STON2: variants seen among roughly 807,000 people sequenced by gnomAD.
STON2 encodes stonin-2.
Under a neutral mutation model 65.7 loss-of-function variants are expected in STON2, and 29 were observed. The observed-to-expected ratio is 0.44, with a 90% CI of 0.33 to 0.60. STON2 has a LOEUF of 0.60. STON2 is among the 20% of genes least tolerant of loss of function. STON2 has a pLI of 0.03. For synonymous variants in STON2, 404 were observed against 414.2 expected, an observed-to-expected ratio of 0.98 and a Z score of 0.30; for missense variants, 1,054 against 1,118.1, an observed-to-expected ratio of 0.94 and a Z score of 0.82.
At chr14:81,355,186 A>C (rs1286786868) in intron 4 of STON2, among the ~76,000 whole-genome samples, 1 of 152,180 alleles carries the variant, frequency 6.6e-6, no homozygotes, top group Non-Finnish European at 1.5e-5. Flanking sequence ...ACAGAAATTC[A>C]AGAAGGAGAA....
chr14:81,433,981 C>T (rs1902314134), intron 1 of STON2, among the ~76,000 whole-genome samples: 1 of 152,184 alleles, frequency 6.6e-6, no homozygotes, highest in Admixed American at 6.5e-5. Flanking sequence ...TCACCCCTGC[C>T]TGCACAAGAG....
intron 3 of STON2, among the ~76,000 whole-genome samples, chr14:81,390,638 C>T (rs1391333662): frequency 2.0e-5 from 3 of 152,346 alleles, no homozygotes; most frequent in East Asian, 1.9e-4. Flanking sequence ...TTTACAGATG[C>T]TCCCCTAATT....
At chr14:81,400,034 A>G (rs548986774) in intron 1 of STON2, among the ~76,000 whole-genome samples, 2 of 152,350 alleles carry the variant, frequency 1.3e-5, no homozygotes, top group East Asian at 3.9e-4. Flanking sequence ...GAAGTACAAC[A>G]GAATACAGTA....
intron 5 of STON2, among the ~76,000 whole-genome samples, chr14:81,288,433 T>A (rs1470381211): frequency 6.6e-6 from 1 of 152,228 alleles, no homozygotes; most frequent in Admixed American, 6.5e-5. Flanking sequence ...GCTCCTAAGC[T>A]ACAAACGTGT....
At chr14:81,351,527 C>G (rs1303859169) in intron 4 of STON2, among the ~76,000 whole-genome samples, 6 of 152,096 alleles carry the variant, frequency 3.9e-5, no homozygotes. Flanking sequence ...TGAGAGAAAA[C>G]ATTATTTTAA....
At chr14:81,369,350 T>G (rs548257677) in intron 4 of STON2, among the ~76,000 whole-genome samples, 10 of 152,304 alleles carry the variant, frequency 6.6e-5, no homozygotes, top group African/African-American at 2.2e-4. Flanking sequence ...GGAGGCAGAC[T>G]AATAATGTCT....
intron 2 of STON2, among the ~76,000 whole-genome samples, chr14:81,424,438 C>T (rs1277537227): frequency 6.6e-6 from 1 of 150,584 alleles, no homozygotes; most frequent in African/African-American, 2.4e-5. Context: ...AGCAAGACAC[C>T]ATATCAAAAA....
intron 5 of STON2, among the ~76,000 whole-genome samples, chr14:81,279,119 A>G (rs1323014030): frequency 6.6e-6 from 1 of 152,228 alleles, no homozygotes. Flanking sequence ...TCTCCTATAT[A>G]AAATGATATA....
chr14:81,385,577 T>G (rs1366397232), intron 3 of STON2, among the ~76,000 whole-genome samples: 1 of 152,192 alleles, frequency 6.6e-6, no homozygotes, highest in Non-Finnish European at 1.5e-5. Flanking sequence ...TTTCCTTGCC[T>G]ATCTTGTTTA....
Position 81,267,727 on chromosome 14 carries a change from A to G in STON2, c.*687T>C, listed in dbSNP as rs886087454. ...AGAATGTGGGTCCATTCACAAAATTAAAAAGTCTCCTATTGTGCCTTTTTC... is the reference window on the plus strand; with the variant it reads ...AGAATGTGGGTCCATTCACAAAATTGAAAAGTCTCCTATTGTGCCTTTTTC... On this transcript the variant is annotated 3_prime_UTR_variant, in exon 8 of 8. Coordinates refer to ENST00000614646, the MANE Select transcript of STON2 (RefSeq NM_001394390.1). 1.2e-5 allele frequency: 12 copies of G among 985,298 alleles called. No individual in the cohort carries two copies. Among genetic ancestry groups the G allele is most frequent in the Non-Finnish European group, 1.4e-5 (12 of 829,936 alleles). The allele number at this position is 985,298 out of a possible 1,614,324, so 61.0% of individuals were successfully genotyped here.
At chr14:81,292,047 A>G (rs2140158407) in intron 5 of STON2, among the ~76,000 whole-genome samples, 1 of 152,282 alleles carries the variant, frequency 6.6e-6, no homozygotes, top group South Asian at 2.1e-4. Flanking sequence ...TTGGGCAATA[A>G]TTCAATCTTA....
chr14:81,291,791 G>A (rs185436956), intron 5 of STON2, among the ~76,000 whole-genome samples: 80 of 150,504 alleles, frequency 5.3e-4, no homozygotes, highest in Admixed American at 2.1e-3. Flanking sequence ...AACCTTTGTA[G>A]AAACTTGATC....
chr14:81,269,001 G>GT (rs1335645759), intron 7 of STON2, among the ~76,000 whole-genome samples: 1 of 152,024 alleles, frequency 6.6e-6, no homozygotes, highest in Non-Finnish European at 1.5e-5. Context: ...CTCAATACTT[G>GT]TTTTTTTCTT....
rs1305668993 is a variant in STON2, at chr14:81,361,632, T to TA, written c.571+9355dup. ...GACCCCAAAGGCACAGGAAACGAAA[T>TA]AAAAAAGACAAATGGGATTAAATCA... On this transcript the variant is annotated intron_variant, in intron 4 of 7. Transcript: ENST00000614646. 2.0e-4 allele frequency among the ~76,000 whole-genome samples: 31 copies of TA among 151,632 alleles called. 1 individual carries two copies. Among genetic ancestry groups the TA allele is most frequent in the Admixed American group, 1.2e-3 (19 of 15,222 alleles).
At chr14:81,408,157 A>ACACACACACACG (rs147841517) in intron 2 of STON2, among the ~76,000 whole-genome samples, 2 of 150,410 alleles carry the variant, frequency 1.3e-5, no homozygotes, top group African/African-American at 5.0e-5. Context: ...ACACACACAC[A>ACACACACACACG]CGCGCACACA....
intron 6 of STON2, among the ~76,000 whole-genome samples, chr14:81,272,599 A>G (rs779266525): frequency 1.3e-5 from 2 of 152,248 alleles, no homozygotes; most frequent in Non-Finnish European, 2.9e-5. Flanking sequence ...CAAACGTAAC[A>G]TATTTCAGTG....
intron 4 of STON2, among the ~76,000 whole-genome samples, chr14:81,342,471 T>G (rs1011968687): frequency 1.3e-5 from 2 of 152,114 alleles, no homozygotes; most frequent in African/African-American, 4.8e-5. Flanking sequence ...TCCTTGGAGC[T>G]CCACACAGAA....
At chr14:81,360,155 C>G (rs1026306291) in intron 4 of STON2, among the ~76,000 whole-genome samples, 1 of 152,030 alleles carries the variant, frequency 6.6e-6, no homozygotes, top group African/African-American at 2.4e-5. Flanking sequence ...AAATTAAAGA[C>G]AAAACATTTC....
In STON2 at chr14:81,270,620, G is replaced by A. The variant is rs370783233; in HGVS notation, c.2784+50C>T. The A allele has an allele frequency of 7.2e-5, 117 of 1,614,024 alleles. No individual in the cohort carries two copies. Among genetic ancestry groups the A allele is most frequent in the Non-Finnish European group, 9.5e-5 (112 of 1,180,022 alleles). ...AAGGAATAAGAGGGGGAGGGTAGTGGGGTGAACAAATGGAGTTGGAAGCAT... is the reference window on the plus strand; with the variant it reads ...AAGGAATAAGAGGGGGAGGGTAGTGAGGTGAACAAATGGAGTTGGAAGCAT... On this transcript the variant is annotated intron_variant, in intron 7 of 7. Coordinates refer to ENST00000614646, the MANE Select transcript of STON2 (RefSeq NM_001394390.1).
Sources: allele counts gnomAD v4.1 joint callset (sites outside exome capture counted in the v4.1 genomes callset), GRCh38; gene constraint gnomAD v4.1.1; transcripts MANE v1.5; gene names NCBI Gene and HGNC (gene_info 2026-07-23, HGNC 2026-07-21).